The following LIN52 variants were observed in gnomAD, a reference collection of about 807,000 sequenced individuals.
LIN52 encodes lin-52 DREAM MuvB core complex component.
In LIN52, 4 loss-of-function variants were observed where a neutral mutation model predicts 18.5. The ratio of observed to expected loss-of-function variants is 0.22; its 90% confidence interval spans 0.11 to 0.49. The LOEUF is 0.49. Ranked by LOEUF, LIN52 falls within the 20% of genes least tolerant of loss-of-function variation. The probability of loss-of-function intolerance (pLI) is 0.97; values close to 1 mark genes in which losing one functional copy is unlikely to be tolerated. For missense variants in LIN52, 102 were observed against 139.5 expected (o/e 0.73, Z 1.35); for synonymous variants, 34 against 45.5 (o/e 0.75, Z 1.02).
intron 5 of LIN52, among the ~76,000 whole-genome samples, chr14:74,130,278 G>GTTTGTTTTTTTTTTTTTTTTTTTT (rs1555382571): frequency 7.7e-4 from 50 of 64,824 alleles, no homozygotes; most frequent in Middle Eastern, 0.011. Flanking sequence ...GCATTTTTTG[G>GTTTGTTTTTTTTTTTTTTTTTTTT]TTTTTTTTTT....
chr14:74,177,042 A>G (rs1057109289), intron 5 of LIN52, among the ~76,000 whole-genome samples: 5 of 150,824 alleles, frequency 3.3e-5, no homozygotes, highest in Middle Eastern at 3.2e-3. Flanking sequence ...CTTGTTGCCC[A>G]GGCCGGAGTG....
intron 5 of LIN52, among the ~76,000 whole-genome samples, chr14:74,134,584 C>T (rs993427996): frequency 6.6e-6 from 1 of 152,168 alleles, no homozygotes; most frequent in Non-Finnish European, 1.5e-5. Flanking sequence ...AAGGTGACTT[C>T]CCTTTCCTAT....
chr14:74,114,454 A>G, intron 5 of LIN52: 2 of 984,348 alleles, frequency 2.0e-6, no homozygotes, highest in Non-Finnish European at 2.4e-6. Flanking sequence ...CACTGACAAT[A>G]GATTTTTCAG....
intron 5 of LIN52, among the ~76,000 whole-genome samples, chr14:74,171,663 T>C (rs1035847101): frequency 5.3e-5 from 8 of 151,712 alleles, no homozygotes; most frequent in African/African-American, 1.9e-4. Context: ...AGAACTTACA[T>C]AGACCTAGAA....
rs188787018 is a variant in LIN52 at position 74,088,462 on chromosome 14, A to G, written c.20-2770A>G. 1.6e-4 allele frequency among the ~76,000 whole-genome samples: 25 copies of G among 152,192 alleles called. No individual in the cohort carries two copies. The East Asian group carries it at 2.3e-3, about 14-fold the overall frequency. Reference sequence around the variant, plus strand: ...GGTCTCAAACTCCTGGGCTCAAGCAATCTTCCTGCCTCGGCTTCCCAAAGC... The same window carrying G: ...GGTCTCAAACTCCTGGGCTCAAGCAGTCTTCCTGCCTCGGCTTCCCAAAGC... On this transcript the variant is annotated intron_variant, in intron 1 of 5. Transcript: ENST00000555028.
rs1280468064 is a variant in LIN52 at position 74,092,278 on chromosome 14, AATT to A, written c.94+984_94+986del. On this transcript the variant is annotated intron_variant, in intron 2 of 5. Transcript: ENST00000555028. ...TGAGCCACCGTGCCTAGCCAACAATAATTATTATTATTATATATATGTATATAT... is the reference window on the plus strand; with the variant it reads ...TGAGCCACCGTGCCTAGCCAACAATAATTATTATTATATATATGTATATAT... 3.7e-4 allele frequency among the ~76,000 whole-genome samples: 50 copies of A among 136,620 alleles called. 1 individual carries two copies. The highest frequency in any genetic ancestry group is 4.7e-4 in the Non-Finnish European group (30 of 64,440). 89.6% of individuals were successfully genotyped at this position (136,620 alleles called of 152,430 possible).
At chr14:74,173,842 A>G (rs1192355076) in intron 5 of LIN52, among the ~76,000 whole-genome samples, 3 of 152,206 alleles carry the variant, frequency 2.0e-5, no homozygotes, top group Non-Finnish European at 2.9e-5. Flanking sequence ...TAATGTCCCA[A>G]TGCTCAAATT....
In LIN52 at chr14:74,101,196, C is replaced by T; in HGVS notation, c.241C>T (p.Arg81Ter). The T allele has an allele frequency of 6.2e-7, 1 of 1,611,050 alleles. No homozygotes were observed. Among genetic ancestry groups the T allele is most frequent in the Non-Finnish European group, 8.5e-7 (1 of 1,178,992 alleles). The change falls in exon 5 of 6, where the codon CGA (arginine) becomes TGA (stop). Residue 81 changes from arginine to a stop codon, truncating the protein, a stop_gained. Coordinates refer to ENST00000555028, the MANE Select transcript of LIN52 (RefSeq NM_001024674.3). LOFTEE classifies it high-confidence loss of function. ...CACGGCTAATTTGATGGAGAAGGTT[C>T]GAGGCCTACAGAACCTAGCCTATCA... is the stretch of plus-strand genomic sequence containing the variant. ...LTTANLMEKV[R>*]GLQNLAYQLG...
At chr14:74,150,501 A>G (rs1232033121) in intron 5 of LIN52, among the ~76,000 whole-genome samples, 1 of 152,198 alleles carries the variant, frequency 6.6e-6, no homozygotes, top group Admixed American at 6.5e-5. Flanking sequence ...GGTGATACAA[A>G]TCCAAATAAT....
At chr14:74,194,660 A>G (rs1425359291) in intron 5 of LIN52, among the ~76,000 whole-genome samples, 1 of 152,128 alleles carries the variant, frequency 6.6e-6, no homozygotes, top group African/African-American at 2.4e-5. Flanking sequence ...GGCTTTCTCA[A>G]TTTGTGATCT....
chr14:74,186,783 G>A (rs28569973), intron 5 of LIN52, among the ~76,000 whole-genome samples: 4,896 of 151,960 alleles, frequency 0.032, 202 homozygotes, highest in African/African-American at 0.097. Flanking sequence ...GGATCACAAG[G>A]TCAGGAGATT....
At chr14:74,144,344 C>T (rs905748700) in intron 5 of LIN52, among the ~76,000 whole-genome samples, 2 of 151,674 alleles carry the variant, frequency 1.3e-5, no homozygotes, top group Non-Finnish European at 2.9e-5. Context: ...CCAGGCTGGT[C>T]TCGAACTCCT....
chr14:74,121,816 C>T lies in LIN52; in HGVS notation c.283+20578C>T, dbSNP rs149549531. Among the ~76,000 whole-genome samples, 919 of 151,728 alleles carry T rather than the reference C, an allele frequency of 6.1e-3. 8 individuals carry two copies. The highest frequency in any genetic ancestry group is 0.021 in the African/African-American group (878 of 41,320). ...TCAACTCACTGGAACCTCTGCCTCC[C>T]GGGTTCAAGTGATTATCCTGCCTCA... On this transcript the variant is annotated intron_variant, in intron 5 of 5. Transcript: ENST00000555028.
chr14:74,141,958 T>G (rs2061133448), intron 5 of LIN52, among the ~76,000 whole-genome samples: 1 of 152,228 alleles, frequency 6.6e-6, no homozygotes, highest in Non-Finnish European at 1.5e-5. Flanking sequence ...GTGTAACAGC[T>G]TGGCTAACAA....
chr14:74,147,782 T>G (rs1289645126), intron 5 of LIN52, among the ~76,000 whole-genome samples: 2 of 151,950 alleles, frequency 1.3e-5, no homozygotes, highest in Non-Finnish European at 2.9e-5. Context: ...GTAGTCAAAT[T>G]CATAGAGACA....
intron 5 of LIN52, among the ~76,000 whole-genome samples, chr14:74,121,856 T>C (rs76650554): frequency 6.6e-6 from 1 of 152,106 alleles, no homozygotes; most frequent in African/African-American, 2.4e-5. Context: ...CCCGAATAGC[T>C]GGGATTACAG....
At chr14:74,095,578 T>C (rs2060806141) in intron 2 of LIN52, among the ~76,000 whole-genome samples, 2 of 152,166 alleles carry the variant, frequency 1.3e-5, no homozygotes, top group South Asian at 4.1e-4. Flanking sequence ...CTGTGAGAAA[T>C]TTAAATAAAT....
intron 5 of LIN52, among the ~76,000 whole-genome samples, chr14:74,134,156 CATT>C: frequency 6.6e-6 from 1 of 152,304 alleles, no homozygotes; most frequent in East Asian, 1.9e-4. Context: ...CCAACTTTTT[CATT>C]ATCTGCAATT....
intron 5 of LIN52, among the ~76,000 whole-genome samples, chr14:74,184,121 C>T (rs868479384): frequency 6.6e-6 from 1 of 152,198 alleles, no homozygotes; most frequent in South Asian, 2.1e-4. Flanking sequence ...CACTCTGTCA[C>T]CCAGGCTGGA....
Sources: gnomAD v4.1 joint callset for allele counts (sites outside exome capture counted in the v4.1 genomes callset) on GRCh38, gnomAD v4.1.1 for gene constraint, MANE v1.5 for transcripts, NCBI Gene and HGNC (gene_info 2026-07-23, HGNC 2026-07-21) for gene names.